RREB1: variants seen among roughly 807,000 people sequenced by gnomAD.
RREB1 encodes ras responsive element binding protein 1.
A neutral mutation model predicts 117.8 loss-of-function variants in RREB1; 27 were observed. The observed-to-expected ratio is 0.23, with a 90% CI of 0.17 to 0.32. The LOEUF is 0.32. Among genes scored for constraint, RREB1 ranks in the 10% least tolerant of loss-of-function variants. The probability of loss-of-function intolerance (pLI) is 1.00; values close to 1 mark genes in which losing one functional copy is unlikely to be tolerated. For synonymous variants in RREB1, 1,298 were observed against 1,026.7 expected (o/e 1.26, Z -5.05); for missense variants, 2,577 against 2,378.2 (o/e 1.08, Z -1.74).
chr6:7,168,290 A>T (rs1203363869), intron 1 of RREB1, among the ~76,000 whole-genome samples: 1 of 149,406 alleles, frequency 6.7e-6, no homozygotes, highest in African/African-American at 2.5e-5. Context: ...TCCCCATGTC[A>T]TGTGCTTTTA....
rs949625798 is a variant in RREB1 at position 7,127,160 on chromosome 6, G to A, written c.-285+19100G>A. On this transcript the variant is annotated intron_variant, in intron 1 of 12. Transcript: ENST00000379938. Reference sequence around the variant, plus strand: ...TTGAGTTGGAATGATGAGAAGTGTTGGCCCTGGAAAAATGGACGGGGGCTC... The same window carrying A: ...TTGAGTTGGAATGATGAGAAGTGTTAGCCCTGGAAAAATGGACGGGGGCTC... Among the ~76,000 whole-genome samples, 3 of 152,118 alleles carry A rather than the reference G, an allele frequency of 2.0e-5. No individual in the cohort carries two copies. In the East Asian group the frequency reaches 5.8e-4, roughly 29 times the overall value.
intron 6 of RREB1, among the ~76,000 whole-genome samples, chr6:7,203,013 A>C (rs1766071662): frequency 6.6e-6 from 1 of 152,240 alleles, no homozygotes; most frequent in Non-Finnish European, 1.5e-5. Context: ...TTATTTTAGC[A>C]AAACACAAGC....
intron 6 of RREB1, among the ~76,000 whole-genome samples, chr6:7,200,030 C>G (rs1423164602): frequency 1.3e-5 from 2 of 152,132 alleles, no homozygotes; most frequent in East Asian, 3.9e-4. Flanking sequence ...AGAAAATTAT[C>G]AAAGCTAAAA....
intron 1 of RREB1, among the ~76,000 whole-genome samples, chr6:7,147,315 C>T (rs77451215): frequency 0.09 from 13,747 of 152,248 alleles, 810 homozygotes; most frequent in South Asian, 0.22. Context: ...TACCATACTG[C>T]ATTTCAGCTT....
chr6:7,190,610 C>T (rs192664211), intron 6 of RREB1, among the ~76,000 whole-genome samples: 4 of 151,958 alleles, frequency 2.6e-5, no homozygotes, highest in Admixed American at 1.3e-4. Flanking sequence ...TTCTCTTTGC[C>T]CCTCATCTCT....
chr6:7,122,739 A>G (rs1761731992), intron 1 of RREB1, among the ~76,000 whole-genome samples: 1 of 152,226 alleles, frequency 6.6e-6, no homozygotes, highest in Non-Finnish European at 1.5e-5. Context: ...GTACTCTACA[A>G]ACAACTTGGA....
intron 6 of RREB1, among the ~76,000 whole-genome samples, chr6:7,191,596 G>A (rs1279454348): frequency 2.0e-5 from 3 of 152,092 alleles, no homozygotes; most frequent in African/African-American, 7.2e-5. Context: ...ATACTAACTC[G>A]ATCTATGAAC....
intron 10 of RREB1, among the ~76,000 whole-genome samples, chr6:7,236,899 T>TTG (rs1768368898): frequency 1.5e-5 from 2 of 136,784 alleles, no homozygotes; most frequent in South Asian, 4.9e-4. Flanking sequence ...TTTTTTTTTT[T>TTG]TTTTTTTTTT....
In RREB1 at chr6:7,246,665, C is replaced by A; in HGVS notation, c.4215C>A (p.Gly1405=). The A allele has an allele frequency of 1.3e-6, 2 of 1,579,822 alleles. No homozygotes were observed. Among genetic ancestry groups the A allele is most frequent in the African/African-American group, 1.3e-5 (1 of 74,154 alleles). Residue 1405 remains glycine (G), a synonymous_variant, in exon 12 of 13, where the codon GGC becomes GGA. Coordinates refer to ENST00000379938, the MANE Select transcript of RREB1 (RefSeq NM_001003699.4). The part of the protein sequence containing the change: ...GTEESTGDAD[G]AEEDASSNQS... ...AGGAGAGCACTGGGGACGCCGACGG[C>A]GCGGAAGAGGACGCGTCGAGCAACC...
chr6:7,229,846 C>T lies in RREB1; in HGVS notation c.1747C>T (p.Arg583Trp), dbSNP rs1444177799. Residue 583 changes from arginine (R) to tryptophan (W), a missense_variant, in exon 10 of 13, where the codon CGG (arginine) becomes TGG (tryptophan). Transcript: ENST00000379938. The surrounding 1 kb of genome is among the most constrained non-coding windows in gnomAD (Gnocchi z 4.5). ...CACGCGGCTCTCCCTGCAGCAGCCG[C>T]GGGCGGAGCTGCCGGGCCAGCCTGA... ...AATRLSLQQP[R>W]AELPGQPEMK... 3 of 1,610,148 alleles carry T rather than the reference C, an allele frequency of 1.9e-6. No homozygotes were observed. Among genetic ancestry groups the T allele is most frequent in the Non-Finnish European group, 2.5e-6 (3 of 1,178,480 alleles).
chr6:7,218,449 G>T (rs1038047513), intron 8 of RREB1: 2 of 151,986 alleles, frequency 1.3e-5, no homozygotes, highest in African/African-American at 4.8e-5. Flanking sequence ...CACTGGGGGA[G>T]CTAATCCCAA....
At chr6:7,164,245 C>G (rs1041258656) in intron 1 of RREB1, among the ~76,000 whole-genome samples, 1 of 152,220 alleles carries the variant, frequency 6.6e-6, no homozygotes, top group Non-Finnish European at 1.5e-5. Flanking sequence ...CACCTCCCAC[C>G]CTTTTCGCCA....
intron 3 of RREB1, 58 bp from the exon 4 acceptor site, chr6:7,181,811 CT>C: frequency 8.1e-7 from 1 of 1,237,116 alleles, no homozygotes. Context: ...CCAGCGCCCC[CT>C]GGCAATGACA....
At chr6:7,110,770 C>T (rs1384750200) in intron 1 of RREB1, among the ~76,000 whole-genome samples, 2 of 152,182 alleles carry the variant, frequency 1.3e-5, no homozygotes, top group Non-Finnish European at 2.9e-5. Context: ...AAACTGGTTG[C>T]ATTTTAGAAT....
intron 1 of RREB1, among the ~76,000 whole-genome samples, chr6:7,163,673 C>G (rs1048941678): frequency 3.9e-5 from 6 of 152,152 alleles, no homozygotes; most frequent in Non-Finnish European, 8.8e-5. Flanking sequence ...GGATTACAGG[C>G]GTGAGCCACC....
chr6:7,133,660 C>A (rs1361277958), intron 1 of RREB1, among the ~76,000 whole-genome samples: 1 of 152,004 alleles, frequency 6.6e-6, no homozygotes, highest in Non-Finnish European at 1.5e-5. Flanking sequence ...TATAAATAGT[C>A]CTAAGGATTA....
chr6:7,121,867 C>T (rs1306131040), intron 1 of RREB1, among the ~76,000 whole-genome samples: 4 of 152,088 alleles, frequency 2.6e-5, no homozygotes, highest in Non-Finnish European at 5.9e-5. Context: ...GTGTGCTGCC[C>T]TGCTTGATGC....
intron 1 of RREB1, among the ~76,000 whole-genome samples, chr6:7,143,626 C>T (rs115806594): frequency 6.6e-6 from 1 of 152,134 alleles, no homozygotes. Context: ...ACAGCCTGTG[C>T]TTCTAACTGA....
intron 1 of RREB1, among the ~76,000 whole-genome samples, chr6:7,170,952 A>ACC (rs1445296357): frequency 6.6e-6 from 1 of 151,698 alleles, no homozygotes; most frequent in Non-Finnish European, 1.5e-5. Context: ...AGGGTTTCTG[A>ACC]CTCGGTAGGT....
Sources: gnomAD v4.1 joint callset for allele counts (sites outside exome capture counted in the v4.1 genomes callset) on GRCh38, gnomAD v4.1.1 for gene constraint, Gnocchi (gnomAD v3.1) non-coding constraint, MANE v1.5 for transcripts, NCBI Gene and HGNC (gene_info 2026-07-23, HGNC 2026-07-21) for gene names.